Variants in PIK3R3 observed in about 807,000 individuals in gnomAD.
The protein encoded by PIK3R3 is phosphoinositide-3-kinase regulatory subunit 3.
Under a neutral mutation model 62.9 loss-of-function variants are expected in PIK3R3, and 64 were observed. The ratio of observed to expected loss-of-function variants is 1.02; its 90% CI spans 0.83 to 1.25. The LOEUF (loss-of-function observed/expected upper bound fraction) is 1.25, where lower values mean the gene tolerates loss of function less well. Ranked by LOEUF, PIK3R3 falls within the 50% of genes most tolerant of loss-of-function variation. The pLI is 0.00. For synonymous variants in PIK3R3, 165 were observed against 189.0 expected, an observed-to-expected ratio of 0.87 and a Z score of 1.04; for missense variants, 614 against 561.6, an observed-to-expected ratio of 1.09 and a Z score of -0.94.
chr1:46,154,462 G>C, the PIK3R3 span, among the ~76,000 whole-genome samples: 1 of 152,118 alleles, frequency 6.6e-6, no homozygotes, highest in Non-Finnish European at 1.5e-5. Context: ...CTAGCTACTT[G>C]GGAGGCTGAG....
At chr1:46,170,047 G>A in the PIK3R3 span, among the ~76,000 whole-genome samples, 1 of 152,112 alleles carries the variant, frequency 6.6e-6, no homozygotes, top group African/African-American at 2.4e-5. Flanking sequence ...GCTTCGGTGT[G>A]CATCATGTGG....
At chr1:46,127,372 C>T (rs785500) in intron 1 of PIK3R3, among the ~76,000 whole-genome samples, 96,899 of 144,264 alleles carry the variant, frequency 0.67, 32,725 homozygotes, top group Non-Finnish European at 0.71. Context: ...TATATATATA[C>T]ATAATTTCAG....
At chr1:46,058,986 T>A (rs1379189255) in intron 6 of PIK3R3, among the ~76,000 whole-genome samples, 6 of 152,184 alleles carry the variant, frequency 3.9e-5, no homozygotes, top group African/African-American at 1.4e-4. Context: ...CTCCCATAAT[T>A]CCCACATGCT....
At chr1:46,125,660 T>G (rs755727605) in intron 1 of PIK3R3, among the ~76,000 whole-genome samples, 4 of 152,186 alleles carry the variant, frequency 2.6e-5, no homozygotes, top group Non-Finnish European at 5.9e-5. Context: ...AAACCACCTT[T>G]GTGTCTGGCT....
chr1:46,047,915 G>A, intron 7 of PIK3R3, among the ~76,000 whole-genome samples: 1 of 151,982 alleles, frequency 6.6e-6, no homozygotes, highest in East Asian at 1.9e-4. Flanking sequence ...AGGGTAGCTG[G>A]GACTACAGTC....
At chr1:46,104,824 C>T in intron 1 of PIK3R3, 1 of 383,996 alleles carries the variant, frequency 2.6e-6, no homozygotes, top group South Asian at 3.4e-5. Context: ...CCCAGCTACT[C>T]AGGAAGCTAA....
chr1:46,095,436 A>G (rs889435611), intron 1 of PIK3R3, among the ~76,000 whole-genome samples: 21 of 152,196 alleles, frequency 1.4e-4, no homozygotes, highest in African/African-American at 4.3e-4. Flanking sequence ...ATCCTCACTT[A>G]TAAGTGGGAA....
Position 46,040,200 on chromosome 1 carries a change from T to G in PIK3R3, c.*3473A>C. 1 of 230,678 alleles carries G rather than the reference T, an allele frequency of 4.3e-6. No homozygotes were observed. The highest frequency in any genetic ancestry group is 8.6e-6 in the Non-Finnish European group (1 of 116,110). The allele number at this position is 230,678 out of a possible 1,614,324, so 14.3% of individuals were successfully genotyped here. The stretch of plus-strand genomic sequence containing the variant: ...GCAAGTTGGCCAGACTGTCCCCTCT[T>G]GGGGAAGGTATTAAACAAAAAGACC... On this transcript the variant is annotated 3_prime_UTR_variant, in exon 10 of 10. Transcript: ENST00000262741.
At chr1:46,071,927 T>G (rs2149403134) in intron 3 of PIK3R3, among the ~76,000 whole-genome samples, 1 of 151,462 alleles carries the variant, frequency 6.6e-6, no homozygotes, top group South Asian at 2.1e-4. Context: ...CTTCACAAAC[T>G]TTATCTTTTA....
chr1:46,163,053 A>G, the PIK3R3 span, among the ~76,000 whole-genome samples: 1 of 152,250 alleles, frequency 6.6e-6, no homozygotes, highest in Non-Finnish European at 1.5e-5. Context: ...ACCTATGAAG[A>G]ATATGGCCAC....
chr1:46,090,377 G>C (rs959786407), intron 1 of PIK3R3, among the ~76,000 whole-genome samples: 3 of 151,894 alleles, frequency 2.0e-5, no homozygotes, highest in African/African-American at 7.3e-5. Context: ...TATTGCTCAG[G>C]ATGGAGTGCG....
intron 1 of PIK3R3, among the ~76,000 whole-genome samples, chr1:46,118,840 G>A (rs1031266871): frequency 3.3e-5 from 5 of 151,894 alleles, no homozygotes; most frequent in Non-Finnish European, 7.4e-5. Flanking sequence ...ACAGGCATGA[G>A]CCACCACGCC....
At chr1:46,074,210 A>C (rs1649824955) in intron 3 of PIK3R3, among the ~76,000 whole-genome samples, 1 of 136,230 alleles carries the variant, frequency 7.3e-6, no homozygotes, top group South Asian at 2.4e-4. Flanking sequence ...GAATGGTGGG[A>C]ACCTGGGAGG....
chr1:46,137,256 A>G (rs546066102), upstream of PIK3R3, among the ~76,000 whole-genome samples: 75 of 152,374 alleles, frequency 4.9e-4, no homozygotes, highest in Non-Finnish European at 8.5e-4. Flanking sequence ...ACAAAAGTGA[A>G]TAAGACTGAG....
Position 46,046,040 on chromosome 1 carries a change from CTCA to C in PIK3R3, c.1062_1064del (p.Asp354del). On this transcript the variant is annotated inframe_deletion, in exon 9 of 10. Coordinates refer to ENST00000262741, the MANE Select transcript of PIK3R3 (RefSeq NM_003629.4). ...TGATATCCTCAACAAACCAGGTTTT[CTCA>C]TCATAATGGGGCAGGTTTTCATCTT... is the stretch of plus-strand genomic sequence containing the variant. 3 of 1,611,504 alleles carry C rather than the reference CTCA, an allele frequency of 1.9e-6. No homozygotes were observed. Among genetic ancestry groups the C allele is most frequent in the Non-Finnish European group, 2.5e-6 (3 of 1,177,936 alleles).
chr1:46,144,320 GT>G, the PIK3R3 span, among the ~76,000 whole-genome samples: 1 of 152,194 alleles, frequency 6.6e-6, no homozygotes, highest in South Asian at 2.1e-4. Flanking sequence ...AATTTCCTGA[GT>G]ATAGAGCTTC....
intron 1 of PIK3R3, among the ~76,000 whole-genome samples, chr1:46,082,434 A>G (rs1650685953): frequency 6.6e-6 from 1 of 152,204 alleles, no homozygotes; most frequent in Admixed American, 6.5e-5. Flanking sequence ...TCTGGACTGG[A>G]TATTTTTTGC....
At chr1:46,120,003 A>G (rs1332738436) in intron 1 of PIK3R3, among the ~76,000 whole-genome samples, 1 of 151,904 alleles carries the variant, frequency 6.6e-6, no homozygotes, top group African/African-American at 2.4e-5. Context: ...GACGGCTCCT[A>G]ATTTTTCAGG....
At chr1:46,074,311 A>C (rs1487577500) in intron 3 of PIK3R3, among the ~76,000 whole-genome samples, 5 of 146,508 alleles carry the variant, frequency 3.4e-5, no homozygotes, top group East Asian at 4.1e-4. Context: ...AAAAAAAAAA[A>C]AAAAAACCAA....
Sources: gnomAD v4.1 joint callset for allele counts (sites outside exome capture counted in the v4.1 genomes callset) on GRCh38, gnomAD v4.1.1 for gene constraint, MANE v1.5 for transcripts, NCBI Gene and HGNC (gene_info 2026-07-23, HGNC 2026-07-21) for gene names.